Variants in MAGI2 observed in about 807,000 individuals in gnomAD.
MAGI2 encodes the protein membrane-associated guanylate kinase, WW and PDZ domain-containing protein 2.
MAGI2 carries 35 observed loss-of-function variants against 133.3 expected under a neutral mutation model. The observed-to-expected ratio is 0.26, with a 90% CI of 0.20 to 0.35. The LOEUF (loss-of-function observed/expected upper bound fraction) is 0.35. MAGI2 is among the 10% of genes least tolerant of loss of function. MAGI2 has a pLI of 1.00. For synonymous variants in MAGI2, 729 were observed against 710.6 expected (o/e 1.03, Z -0.41); for missense variants, 1,636 against 1,863.4 (o/e 0.88, Z 2.25).
intron 16 of MAGI2, among the ~76,000 whole-genome samples, chr7:78,139,340 A>G (rs1167474215): frequency 1.3e-5 from 2 of 152,202 alleles, no homozygotes; most frequent in African/African-American, 2.4e-5. Flanking sequence ...TTACATATGT[A>G]AGTGCACTGA....
chr7:79,056,808 CACTA>C (rs1813186928), intron 1 of MAGI2, among the ~76,000 whole-genome samples: 1 of 152,192 alleles, frequency 6.6e-6, no homozygotes, highest in African/African-American at 2.4e-5. Context: ...AATACACATT[CACTA>C]AAATACTGCA....
At chr7:78,490,811 C>T (rs1793534180) in intron 5 of MAGI2, among the ~76,000 whole-genome samples, 1 of 152,008 alleles carries the variant, frequency 6.6e-6, no homozygotes, top group South Asian at 2.1e-4. Flanking sequence ...CAAGGGATCT[C>T]ATCTACCAAT....
chr7:78,924,239 A>G (rs371089606), intron 2 of MAGI2, among the ~76,000 whole-genome samples: 1 of 152,048 alleles, frequency 6.6e-6, no homozygotes, highest in Non-Finnish European at 1.5e-5. Context: ...ATGTTGAATA[A>G]GAGTGGTGAG....
intron 2 of MAGI2, among the ~76,000 whole-genome samples, chr7:78,948,170 C>T (rs555455790): frequency 6.6e-6 from 1 of 152,058 alleles, no homozygotes; most frequent in East Asian, 1.9e-4. Flanking sequence ...TGCCATACTG[C>T]CTTGAAAATT....
chr7:78,886,770 C>G (rs1368983905), intron 2 of MAGI2, among the ~76,000 whole-genome samples: 1 of 152,106 alleles, frequency 6.6e-6, no homozygotes, highest in African/African-American at 2.4e-5. Context: ...AGGATTAACT[C>G]AAAATTTCCT....
intron 1 of MAGI2, among the ~76,000 whole-genome samples, chr7:79,221,433 G>A (rs1008940439): frequency 2.0e-5 from 3 of 151,936 alleles, no homozygotes; most frequent in Admixed American, 6.6e-5. Flanking sequence ...GACAGGGTGC[G>A]GTTTATGGTA....
chr7:78,782,296 C>T (rs1438963923), intron 2 of MAGI2, among the ~76,000 whole-genome samples: 1 of 152,156 alleles, frequency 6.6e-6, no homozygotes, highest in Non-Finnish European at 1.5e-5. Context: ...TGGGCAAGGG[C>T]GATTTGAGGC....
chr7:78,318,106 C>G (rs1787614992), intron 9 of MAGI2, among the ~76,000 whole-genome samples: 1 of 152,156 alleles, frequency 6.6e-6, no homozygotes, highest in Admixed American at 6.5e-5. Context: ...GGGAACAAAA[C>G]TGGACAGAGA....
intron 1 of MAGI2, among the ~76,000 whole-genome samples, chr7:79,190,663 G>A (rs545038426): frequency 6.6e-6 from 1 of 151,618 alleles, no homozygotes; most frequent in Non-Finnish European, 1.5e-5. Context: ...AGGCTTTTTG[G>A]TTTGGGTATT....
chr7:78,025,742 A>T (rs1190208989), intron 21 of MAGI2, among the ~76,000 whole-genome samples: 2 of 152,162 alleles, frequency 1.3e-5, no homozygotes. Flanking sequence ...GGGGAGAGGG[A>T]ACAAGGAGGA....
chr7:79,322,059 A>G (rs1442912828), intron 1 of MAGI2, among the ~76,000 whole-genome samples: 1 of 152,140 alleles, frequency 6.6e-6, no homozygotes, highest in Non-Finnish European at 1.5e-5. Context: ...TTTAGTTCAT[A>G]GTCATTTAGT....
At chr7:78,035,344 G>A (rs3779344) in intron 21 of MAGI2, 26,557 of 152,970 alleles carry the variant, frequency 0.17, 3,561 homozygotes, top group African/African-American at 0.37. Context: ...GACTGAGGAG[G>A]TGCGTGGAGG....
In MAGI2 at chr7:79,139,025, T is replaced by C. The variant is rs568806346; in HGVS notation, c.302-131819A>G. Among the ~76,000 whole-genome samples the C allele has an allele frequency of 2.0e-5, 3 of 148,002 alleles. No individual in the cohort carries two copies. In the East Asian group the frequency reaches 5.9e-4, roughly 29 times the overall value. ...GAGTCAAAGACACCTGGCATGTGTG[T>C]GTACAGAGAAAAGGCCATCTGGGAA... On this transcript the variant is annotated intron_variant, in intron 1 of 21. Transcript: ENST00000354212.
intron 14 of MAGI2, among the ~76,000 whole-genome samples, chr7:78,168,317 C>T (rs539502329): frequency 9.2e-5 from 14 of 152,244 alleles, no homozygotes; most frequent in Non-Finnish European, 1.8e-4. Context: ...TTCTCACATT[C>T]CATCTCTTGC....
intron 3 of MAGI2, among the ~76,000 whole-genome samples, chr7:78,589,282 A>C (rs1803744253): frequency 6.6e-6 from 1 of 152,248 alleles, no homozygotes; most frequent in Non-Finnish European, 1.5e-5. Flanking sequence ...AGAATTTTAC[A>C]TAAATTAACT....
At chr7:78,836,812 AC>A (rs1239146526) in intron 2 of MAGI2, among the ~76,000 whole-genome samples, 7 of 152,142 alleles carry the variant, frequency 4.6e-5, no homozygotes, top group Non-Finnish European at 8.8e-5. Flanking sequence ...AAGGTGCTGA[AC>A]CCTGTATGCC....
intron 1 of MAGI2, among the ~76,000 whole-genome samples, chr7:79,235,107 G>A (rs1831774399): frequency 6.7e-6 from 1 of 150,100 alleles, no homozygotes. Flanking sequence ...AGGCTGCTCG[G>A]GGGTCAGGGG....
chr7:78,608,137 T>C (rs1421587305), intron 3 of MAGI2, among the ~76,000 whole-genome samples: 1 of 152,170 alleles, frequency 6.6e-6, no homozygotes, highest in African/African-American at 2.4e-5. Flanking sequence ...TTCCAGTCTA[T>C]CAGGCCACAC....
intron 9 of MAGI2, among the ~76,000 whole-genome samples, chr7:78,318,206 C>T (rs113108062): frequency 0.082 from 12,540 of 152,110 alleles, 699 homozygotes; most frequent in Non-Finnish European, 0.12. Flanking sequence ...AACCCAATGC[C>T]AGGAAGCTAA....
Sources: allele counts gnomAD v4.1 joint callset (sites outside exome capture counted in the v4.1 genomes callset), GRCh38; gene constraint gnomAD v4.1.1; transcripts MANE v1.5; gene names NCBI Gene and HGNC (gene_info 2026-07-23, HGNC 2026-07-21).